Variants in ATPAF2 observed in about 807,000 individuals in gnomAD.
ATPAF2 encodes ATP12 homolog.
ATPAF2 carries 30 observed loss-of-function variants against 36.6 expected under a neutral mutation model. That is an observed-to-expected ratio of 0.82 (90% confidence interval 0.61 to 1.11). The LOEUF is 1.11. ATPAF2 is among the 50% of genes most tolerant of loss of function. ATPAF2 has a pLI of 0.00. For synonymous variants in ATPAF2, 140 were observed against 152.6 expected (o/e 0.92, Z 0.61); for missense variants, 321 against 372.3 (o/e 0.86, Z 1.13).
In ATPAF2 at chr17:18,028,370, A is replaced by G. The variant is rs150499171; in HGVS notation, c.186T>C (p.Phe62=). Residue 62 remains phenylalanine, a synonymous_variant, in exon 3 of 8, where the codon TTT becomes TTC. Coordinates refer to ENST00000474627, the MANE Select transcript of ATPAF2 (RefSeq NM_145691.4). Reference sequence around the variant, plus strand: ...GCTTCCTGTGGTCCAGGTTTATCTCAAAGCCACCTTGAAAGATCAAATGAA... The same window carrying G: ...GCTTCCTGTGGTCCAGGTTTATCTCGAAGCCACCTTGAAAGATCAAATGAA... The part of the protein sequence containing the change: ...NVSITQGEGG[F]EINLDHRKLK... 6.2e-6 allele frequency: 10 copies of G among 1,613,422 alleles called. No individual in the cohort carries two copies. In the African/African-American group the frequency reaches 1.3e-4, roughly 22 times the overall value.
At chr17:18,024,588 C>T (rs765358878) in intron 5 of ATPAF2, 36 bp downstream of exon 5, 1 of 1,576,940 alleles carries the variant, frequency 6.3e-7, no homozygotes, top group East Asian at 2.2e-5. Context: ...AACGCAGGTG[C>T]CCAGTCAGTG....
In ATPAF2 at chr17:18,026,626, G is replaced by C. The variant is rs1382153574; in HGVS notation, c.325-210C>G. 4 of 600,258 alleles carry C rather than the reference G, an allele frequency of 6.7e-6. No individual in the cohort carries two copies. The African/African-American group carries it at 7.4e-5, about 11-fold the overall frequency. The allele number at this position is 600,258 out of a possible 1,614,324, so 37.2% of individuals were successfully genotyped here. On this transcript the variant is annotated intron_variant, in intron 3 of 7. Coordinates refer to ENST00000474627, the MANE Select transcript of ATPAF2 (RefSeq NM_145691.4). ...CAAATGCTTTGTGTTGACGCTCACA[G>C]GACTCGAGGGAAGCTTGCAGCAGCC...
intron 1 of ATPAF2, 50 bp from the exon 2 acceptor site, chr17:18,028,709 C>T (rs1207926352): frequency 6.4e-7 from 1 of 1,553,490 alleles, no homozygotes; most frequent in Non-Finnish European, 8.9e-7. Flanking sequence ...GTTGAGACAA[C>T]TCAGGAAGCG....
At chr17:18,023,595 C>T (rs985686635) in intron 5 of ATPAF2, among the ~76,000 whole-genome samples, 8 of 152,214 alleles carry the variant, frequency 5.3e-5, no homozygotes, top group Admixed American at 3.9e-4. Context: ...ATTATTATTA[C>T]ATTTCATTAG....
intron 1 of ATPAF2, among the ~76,000 whole-genome samples, chr17:18,029,215 C>A (rs1284406127): frequency 6.6e-6 from 1 of 152,212 alleles, no homozygotes; most frequent in Non-Finnish European, 1.5e-5. Context: ...AACAGGAACT[C>A]CAAACATTTC....
chr17:18,031,210 C>T (rs911869947), intron 1 of ATPAF2, among the ~76,000 whole-genome samples: 27 of 151,352 alleles, frequency 1.8e-4, no homozygotes, highest in African/African-American at 3.1e-4. Context: ...CTCCTGACCT[C>T]GTGATCCGCC....
intron 1 of ATPAF2, 65 bp from the exon 2 acceptor site, chr17:18,028,724 G>T (rs1213807577): frequency 1.4e-6 from 2 of 1,437,682 alleles, no homozygotes; most frequent in South Asian, 1.1e-5. Flanking sequence ...GAAGCGACAG[G>T]ACCAGCTTGT....
In ATPAF2 at chr17:18,039,121, G is replaced by T. The variant is rs1347684413; in HGVS notation, c.-108C>A. The T allele has an allele frequency of 6.8e-7, 1 of 1,462,888 alleles. No homozygotes were observed. The highest frequency in any genetic ancestry group is 1.2e-5 in the South Asian group (1 of 82,018). The allele number at this position is 1,462,888 out of a possible 1,614,324, so 90.6% of individuals were successfully genotyped here. A position where few individuals can be genotyped will look rare whatever the true frequency, so the allele number is the denominator to read the frequency against. ...TCGGGCTGTACGGAAACCTCTCAAC[G>T]CCTCCTCAGAGCCCTCAACCTCCCT... On this transcript the variant is annotated 5_prime_UTR_variant, in exon 1 of 8. Coordinates refer to ENST00000474627, the MANE Select transcript of ATPAF2 (RefSeq NM_145691.4). This position sits in a 1 kb window ranked among gnomAD's most constrained non-coding sequence, Gnocchi z 5.3.
At chr17:18,017,171 C>CAAAAAAAAA (rs59274380), downstream of ATPAF2, among the ~76,000 whole-genome samples, 1 of 43,598 alleles carries the variant, frequency 2.3e-5, no homozygotes, top group Non-Finnish European at 4.5e-5. Context: ...GACTTCGTCT[C>CAAAAAAAAA]AAAAAAAAAA....
Position 18,018,535 on chromosome 17 carries a change from G to A in ATPAF2, c.*14C>T. ...GCACTGCCTCTATCCTGCTGAGTGT[G>A]CTCTGCCCAGGCCTCACTCCTTCAG... On this transcript the variant is annotated 3_prime_UTR_variant, in exon 8 of 8. Coordinates refer to ENST00000474627, the MANE Select transcript of ATPAF2 (RefSeq NM_145691.4). The A allele has an allele frequency of 6.2e-7, 1 of 1,613,108 alleles. No homozygotes were observed. Among genetic ancestry groups the A allele is most frequent in the East Asian group, 2.2e-5 (1 of 44,884 alleles).
intron 1 of ATPAF2, 101 bp downstream of exon 1, chr17:18,038,780 G>A (rs2044744509): frequency 3.2e-6 from 5 of 1,547,718 alleles, no homozygotes; most frequent in South Asian, 1.1e-5. Context: ...AACCTCATGA[G>A]CCTGAACCCT....
At chr17:18,027,007 G>T (rs1291211400) in intron 3 of ATPAF2, among the ~76,000 whole-genome samples, 2 of 152,058 alleles carry the variant, frequency 1.3e-5, no homozygotes, top group East Asian at 3.9e-4. Context: ...GATCACCTGA[G>T]GTCAGGAGTT....
intron 1 of ATPAF2, among the ~76,000 whole-genome samples, chr17:18,034,919 T>C (rs1037315392): frequency 2.6e-5 from 4 of 152,190 alleles, no homozygotes; most frequent in African/African-American, 9.7e-5. Context: ...AATGGAGTCA[T>C]TGATACATGA....
intron 7 of ATPAF2, among the ~76,000 whole-genome samples, chr17:18,019,968 C>A (rs768732827): frequency 6.6e-6 from 1 of 152,202 alleles, no homozygotes; most frequent in South Asian, 2.1e-4. Context: ...CAAGTCACCC[C>A]CTTCCTATGT....
intron 7 of ATPAF2, among the ~76,000 whole-genome samples, chr17:18,018,926 A>C (rs755955388): frequency 6.6e-6 from 1 of 152,120 alleles, no homozygotes; most frequent in Non-Finnish European, 1.5e-5. Context: ...GCTTGAATCC[A>C]GGAGTTCAAG....
chr17:18,018,429 G>A lies in ATPAF2; in HGVS notation c.*120C>T. 7.1e-7 allele frequency: 1 copy of A among 1,401,298 alleles called. No homozygotes were observed. Among genetic ancestry groups the A allele is most frequent in the Non-Finnish European group, 1.0e-6 (1 of 1,003,120 alleles). 86.8% of individuals were successfully genotyped at this position (1,401,298 alleles called of 1,614,324 possible). A position where few individuals can be genotyped will look rare whatever the true frequency, so the allele number is the denominator to read the frequency against. On this transcript the variant is annotated 3_prime_UTR_variant, in exon 8 of 8. Coordinates refer to ENST00000474627, the MANE Select transcript of ATPAF2 (RefSeq NM_145691.4). The stretch of plus-strand genomic sequence containing the variant: ...TGTGTCTCGGGGGGAATCTCAGGGT[G>A]ACGCTGAGGCCGAGTCCCCAAAAGC...
intron 4 of ATPAF2, chr17:18,025,562 C>A (rs1484356048): frequency 6.5e-6 from 1 of 154,420 alleles, no homozygotes; most frequent in African/African-American, 2.4e-5. Context: ...GGAGCTCTGA[C>A]ATTGGATCTT....
intron 3 of ATPAF2, 148 bp downstream of exon 3, chr17:18,028,084 A>T: frequency 2.2e-6 from 2 of 902,992 alleles, no homozygotes; most frequent in Non-Finnish European, 1.8e-6. Flanking sequence ...AGAGTTTAGC[A>T]CGTTAGTGAC....
intron 6 of ATPAF2, 166 bp downstream of exon 6, chr17:18,021,579 C>A (rs1230359260): frequency 2.8e-6 from 2 of 717,190 alleles, no homozygotes; most frequent in Non-Finnish European, 5.1e-6. Flanking sequence ...GAGCCTAGAG[C>A]GTAGAGTGAT....
Sources: allele counts gnomAD v4.1 joint callset (sites outside exome capture counted in the v4.1 genomes callset), GRCh38; gene constraint gnomAD v4.1.1; non-coding constraint Gnocchi (gnomAD v3.1); transcripts MANE v1.5; gene names NCBI Gene and HGNC (gene_info 2026-07-23, HGNC 2026-07-21).